The following MACROD2 variants were observed in gnomAD, a reference collection of about 807,000 sequenced individuals.
MACROD2 encodes the protein mono-ADP ribosylhydrolase 2, also known as ADP-ribose glycohydrolase MACROD2.
A neutral mutation model predicts 70.4 loss-of-function variants in MACROD2; 36 were observed. That is an observed-to-expected ratio of 0.51 (90% CI 0.39 to 0.68). The LOEUF is 0.68. Among genes scored for constraint, MACROD2 ranks in the 30% least tolerant of loss-of-function variants. MACROD2 has a pLI of 0.00. For missense variants in MACROD2, 496 were observed against 538.4 expected, an observed-to-expected ratio of 0.92 and a Z score of 0.78; for synonymous variants, 172 against 178.8, an observed-to-expected ratio of 0.96 and a Z score of 0.30.
chr20:14,353,997 C>T (rs1478483306), intron 3 of MACROD2, among the ~76,000 whole-genome samples: 2 of 152,114 alleles, frequency 1.3e-5, no homozygotes, highest in Non-Finnish European at 2.9e-5. Context: ...GCAGTGTCTG[C>T]TCTGTCTCTA....
intron 5 of MACROD2, among the ~76,000 whole-genome samples, chr20:14,789,760 G>A (rs2072426805): frequency 6.6e-6 from 1 of 151,830 alleles, no homozygotes. Context: ...ACAGGTGTGA[G>A]CCACTGCACC....
intron 4 of MACROD2, among the ~76,000 whole-genome samples, chr20:14,619,176 G>A (rs1254178747): frequency 1.3e-5 from 2 of 151,784 alleles, no homozygotes; most frequent in Non-Finnish European, 2.9e-5. Context: ...TCAGTGCCAT[G>A]CAAGTATTTT....
At chr20:15,209,818 C>T (rs1431554051) in intron 5 of MACROD2, among the ~76,000 whole-genome samples, 1 of 152,192 alleles carries the variant, frequency 6.6e-6, no homozygotes, top group Non-Finnish European at 1.5e-5. Context: ...CTCTGAAAAT[C>T]TTTCCAGAAG....
chr20:15,590,488 T>C (rs2048662451), intron 8 of MACROD2, among the ~76,000 whole-genome samples: 4 of 152,208 alleles, frequency 2.6e-5, no homozygotes, highest in Admixed American at 2.0e-4. Flanking sequence ...TTTTACCATA[T>C]GTGTACTTTC....
At chr20:14,084,661 C>T (rs969265655) in intron 2 of MACROD2, among the ~76,000 whole-genome samples, 2 of 151,928 alleles carry the variant, frequency 1.3e-5, no homozygotes, top group Non-Finnish European at 2.9e-5. Context: ...ACGTTTTTGG[C>T]TTATTTTAGA....
chr20:16,026,757 A>G (rs1044315633), intron 15 of MACROD2, among the ~76,000 whole-genome samples: 1 of 152,128 alleles, frequency 6.6e-6, no homozygotes, highest in Non-Finnish European at 1.5e-5. Flanking sequence ...GCCCTTTTTC[A>G]GACAACAAAA....
At chr20:15,346,230 G>A (rs2078164836) in intron 6 of MACROD2, among the ~76,000 whole-genome samples, 1 of 152,036 alleles carries the variant, frequency 6.6e-6, no homozygotes, top group Admixed American at 6.6e-5. Flanking sequence ...GAAATTATAG[G>A]CATGAACCAA....
At chr20:15,318,987 G>C (rs906251009) in intron 6 of MACROD2, among the ~76,000 whole-genome samples, 15 of 152,146 alleles carry the variant, frequency 9.9e-5, no homozygotes, top group African/African-American at 3.4e-4. Context: ...AAAAAATAAG[G>C]AGCATTAAAA....
At chr20:15,203,638 A>G (rs553473353) in intron 5 of MACROD2, among the ~76,000 whole-genome samples, 2 of 152,156 alleles carry the variant, frequency 1.3e-5, no homozygotes, top group South Asian at 2.1e-4. Flanking sequence ...GCCAAAAGCT[A>G]TTATTTATAT....
intron 8 of MACROD2, among the ~76,000 whole-genome samples, chr20:15,542,534 G>A (rs1024516810): frequency 2.6e-5 from 4 of 152,158 alleles, no homozygotes; most frequent in African/African-American, 9.7e-5. Flanking sequence ...TCTGGGAGGG[G>A]CCTTGGAAGG....
intron 4 of MACROD2, among the ~76,000 whole-genome samples, chr20:14,670,733 C>G (rs187407285): frequency 1.8e-3 from 271 of 152,208 alleles, no homozygotes; most frequent in African/African-American, 6.2e-3. Context: ...TGTTTTCTCT[C>G]ATTGAATGAG....
At chr20:15,748,586 A>G (rs1287892177) in intron 8 of MACROD2, among the ~76,000 whole-genome samples, 2 of 152,090 alleles carry the variant, frequency 1.3e-5, no homozygotes, top group African/African-American at 4.8e-5. Context: ...GGCCATGGAC[A>G]TTGACTTCTG....
intron 5 of MACROD2, among the ~76,000 whole-genome samples, chr20:15,105,877 G>A (rs17357412): frequency 0.073 from 11,150 of 152,094 alleles, 477 homozygotes; most frequent in Middle Eastern, 0.16. Context: ...TTCATGCGAC[G>A]ACAATTGAAC....
chr20:15,517,343 C>T (rs766266897), intron 8 of MACROD2, among the ~76,000 whole-genome samples: 7 of 152,208 alleles, frequency 4.6e-5, no homozygotes, highest in Non-Finnish European at 8.8e-5. Context: ...TCACACAGCA[C>T]CTCTTCACAA....
chr20:14,120,012 C>T (rs1181150637), intron 3 of MACROD2, among the ~76,000 whole-genome samples: 1 of 151,738 alleles, frequency 6.6e-6, no homozygotes, highest in African/African-American at 2.4e-5. Context: ...AGTTTAAGAC[C>T]AGCCTGGGCA....
chr20:14,196,138 C>T (rs1303614011), intron 3 of MACROD2, among the ~76,000 whole-genome samples: 2 of 152,164 alleles, frequency 1.3e-5, no homozygotes, highest in African/African-American at 2.4e-5. Context: ...GAGCCACACC[C>T]CCATCACACT....
At chr20:14,708,060 A>G (rs140587359) in intron 5 of MACROD2, among the ~76,000 whole-genome samples, 1 of 152,184 alleles carries the variant, frequency 6.6e-6, no homozygotes, top group Non-Finnish European at 1.5e-5. Flanking sequence ...TCTCATCTGT[A>G]AAAGAGACAC....
chr20:14,163,803 A>T (rs946107770), intron 3 of MACROD2, among the ~76,000 whole-genome samples: 2 of 151,208 alleles, frequency 1.3e-5, no homozygotes, highest in African/African-American at 4.9e-5. Flanking sequence ...TTTCTGTTTT[A>T]TTCTTTTTTA....
intron 15 of MACROD2, among the ~76,000 whole-genome samples, chr20:16,005,282 G>A (rs1422114564): frequency 6.6e-6 from 1 of 152,188 alleles, no homozygotes; most frequent in Non-Finnish European, 1.5e-5. Flanking sequence ...AAGTCAGTTT[G>A]TCTTCCAAGA....
Sources: gnomAD v4.1 joint callset for allele counts (sites outside exome capture counted in the v4.1 genomes callset) on GRCh38, gnomAD v4.1.1 for gene constraint, MANE v1.5 for transcripts, NCBI Gene and HGNC (gene_info 2026-07-23, HGNC 2026-07-21) for gene names.